Variants in LYN observed in about 807,000 individuals in gnomAD.
LYN encodes tyrosine-protein kinase Lyn.
Under a neutral mutation model 65.0 loss-of-function variants are expected in LYN, and 12 were observed. The ratio of observed to expected loss-of-function variants is 0.18; its 90% CI spans 0.12 to 0.30. The LOEUF is 0.30. LYN is among the 10% of genes least tolerant of loss of function. The pLI, the probability that LYN is intolerant of heterozygous loss-of-function variation, is 1.00. For synonymous variants in LYN, 222 were observed against 221.2 expected, an observed-to-expected ratio of 1.00 and a Z score of -0.03; for missense variants, 380 against 623.2, an observed-to-expected ratio of 0.61 and a Z score of 4.16.
chr8:55,884,412 G>C (rs1804733054), intron 1 of LYN, among the ~76,000 whole-genome samples: 2 of 151,448 alleles, frequency 1.3e-5, no homozygotes, highest in South Asian at 4.2e-4. Context: ...GCCTTTCTGG[G>C]GTATATTTGG....
chr8:55,892,306 G>C (rs1311004632), intron 1 of LYN, among the ~76,000 whole-genome samples: 1 of 152,170 alleles, frequency 6.6e-6, no homozygotes, highest in Non-Finnish European at 1.5e-5. Context: ...TGTAGTCCCA[G>C]CTACTTGGGA....
intron 12 of LYN, among the ~76,000 whole-genome samples, chr8:56,003,438 G>T (rs1808586873): frequency 6.6e-6 from 1 of 152,076 alleles, no homozygotes; most frequent in African/African-American, 2.4e-5. Context: ...CCCAACTTGG[G>T]TGGATCACTT....
intron 1 of LYN, among the ~76,000 whole-genome samples, chr8:55,894,723 C>T (rs577404512): frequency 5.9e-5 from 9 of 152,014 alleles, no homozygotes; most frequent in Non-Finnish European, 1.2e-4. Flanking sequence ...TTAGTAGAGA[C>T]GGGGTTTTGC....
intron 10 of LYN, among the ~76,000 whole-genome samples, chr8:55,996,334 C>T (rs541414714): frequency 2.0e-5 from 3 of 152,280 alleles, no homozygotes; most frequent in East Asian, 3.9e-4. Flanking sequence ...TGCTAAGCAA[C>T]GTGGTCTGGA....
intron 1 of LYN, among the ~76,000 whole-genome samples, chr8:55,908,405 C>T (rs1805492659): frequency 1.3e-5 from 2 of 151,726 alleles, no homozygotes; most frequent in South Asian, 4.2e-4. Context: ...CCACCGCGAC[C>T]TGCTAATTTT....
chr8:55,974,993 A>C (rs1807716062), intron 10 of LYN, among the ~76,000 whole-genome samples: 1 of 151,792 alleles, frequency 6.6e-6, no homozygotes, highest in Non-Finnish European at 1.5e-5. Flanking sequence ...CTCATACATG[A>C]CTCTTACTGA....
At chr8:55,882,019 G>T (rs1229510545) in intron 1 of LYN, among the ~76,000 whole-genome samples, 1 of 152,178 alleles carries the variant, frequency 6.6e-6, no homozygotes, top group Non-Finnish European at 1.5e-5. Flanking sequence ...GGCCCTTTCT[G>T]TTGTGGTTTC....
In LYN at chr8:56,013,246, G is replaced by A. The variant is rs1050921594; in HGVS notation, c.*3136G>A. The A allele has an allele frequency of 1.3e-5, 2 of 151,518 alleles. No homozygotes were observed. The highest frequency in any genetic ancestry group is 2.9e-5 in the Non-Finnish European group (2 of 67,954). The allele number at this position is 151,518 out of a possible 1,614,324, so 9.4% of individuals were successfully genotyped here. On this transcript the variant is annotated 3_prime_UTR_variant, in exon 13 of 13. Coordinates refer to ENST00000519728, the MANE Select transcript of LYN (RefSeq NM_002350.4). ...TATAAACTCATCTCCACGTCAGCTT[G>A]TGGAGTCTGCTTTCTCGCTCTCTCT... is the stretch of plus-strand genomic sequence containing the variant.
intron 10 of LYN, among the ~76,000 whole-genome samples, chr8:55,973,016 T>C (rs542289571): frequency 6.6e-6 from 1 of 152,318 alleles, no homozygotes; most frequent in East Asian, 1.9e-4. Context: ...CAATGAGAGA[T>C]TGGTCATTGG....
chr8:55,908,358 C>A (rs1805491294), intron 1 of LYN, among the ~76,000 whole-genome samples: 1 of 151,868 alleles, frequency 6.6e-6, no homozygotes, highest in African/African-American at 2.4e-5. Flanking sequence ...GATTCTCCTG[C>A]TGTGGCCTCC....
intron 10 of LYN, among the ~76,000 whole-genome samples, chr8:55,991,996 T>C (rs185322191): frequency 1.3e-5 from 2 of 152,348 alleles, no homozygotes; most frequent in Non-Finnish European, 2.9e-5. Context: ...GTGATTAGTC[T>C]CATTTTTGGT....
chr8:55,929,839 A>T (rs556856965), intron 1 of LYN, among the ~76,000 whole-genome samples: 1 of 152,194 alleles, frequency 6.6e-6, no homozygotes, highest in South Asian at 2.1e-4. Context: ...ATATCCATGG[A>T]TATGTTTTCC....
chr8:55,889,321 C>A (rs998629673), intron 1 of LYN, among the ~76,000 whole-genome samples: 2 of 152,214 alleles, frequency 1.3e-5, no homozygotes, highest in Non-Finnish European at 2.9e-5. Context: ...AAGCCATCTT[C>A]CCACTTCAGC....
chr8:55,909,010 T>TATAC (rs1207340613), intron 1 of LYN, among the ~76,000 whole-genome samples: 4 of 32,234 alleles, frequency 1.2e-4, no homozygotes, highest in African/African-American at 3.4e-4. Flanking sequence ...TATATATATA[T>TATAC]ACACACACAC....
At chr8:55,888,727 C>G (rs969035503) in intron 1 of LYN, among the ~76,000 whole-genome samples, 1 of 152,050 alleles carries the variant, frequency 6.6e-6, no homozygotes, top group South Asian at 2.1e-4. Flanking sequence ...TGGGCACAAT[C>G]CTTGGTTTTT....
intron 10 of LYN, among the ~76,000 whole-genome samples, chr8:55,995,827 A>G (rs192200345): frequency 6.6e-6 from 1 of 152,304 alleles, no homozygotes; most frequent in East Asian, 1.9e-4. Flanking sequence ...AGCTTGGACC[A>G]CATTCTTTGT....
At chr8:55,978,595 G>A (rs1440139293) in intron 10 of LYN, among the ~76,000 whole-genome samples, 1 of 152,170 alleles carries the variant, frequency 6.6e-6, no homozygotes, top group Non-Finnish European at 1.5e-5. Flanking sequence ...CCTAGAGAGT[G>A]TGGGAAGGGG....
chr8:55,995,419 A>G (rs758722511), intron 10 of LYN, among the ~76,000 whole-genome samples: 5 of 152,056 alleles, frequency 3.3e-5, no homozygotes, highest in Non-Finnish European at 7.4e-5. Context: ...TCCTTTTCCT[A>G]CTGTCCGTCT....
intron 10 of LYN, among the ~76,000 whole-genome samples, chr8:55,971,799 C>T (rs1422498519): frequency 6.6e-6 from 1 of 152,150 alleles, no homozygotes; most frequent in East Asian, 1.9e-4. Flanking sequence ...ACCATTACCT[C>T]GAAAAGTAAT....
Sources: allele counts gnomAD v4.1 joint callset (sites outside exome capture counted in the v4.1 genomes callset), GRCh38; gene constraint gnomAD v4.1.1; transcripts MANE v1.5; gene names NCBI Gene and HGNC (gene_info 2026-07-23, HGNC 2026-07-21).